The following DLG2 variants were observed in gnomAD, a reference collection of about 807,000 sequenced individuals.
The protein encoded by DLG2 is disks large homolog 2.
In DLG2, 45 loss-of-function variants were observed where a neutral mutation model predicts 132.5. The ratio of observed to expected loss-of-function variants is 0.34; its 90% CI spans 0.27 to 0.44. DLG2 has a LOEUF of 0.44. DLG2 is among the 20% of genes least tolerant of loss of function. The probability of loss-of-function intolerance (pLI) is 1.00; values close to 1 mark genes in which losing one functional copy is unlikely to be tolerated. For missense variants in DLG2, 1,045 were observed against 1,196.9 expected (o/e 0.87, Z 1.87); for synonymous variants, 424 against 419.6 (o/e 1.01, Z -0.13).
chr11:85,583,450 G>C (rs2078756592), intron 3 of DLG2, among the ~76,000 whole-genome samples: 1 of 151,526 alleles, frequency 6.6e-6, no homozygotes, highest in Non-Finnish European at 1.5e-5. Context: ...GCCTCTCAAA[G>C]TGCTGAGATT....
chr11:83,650,997 C>T (rs1041733280), intron 18 of DLG2, among the ~76,000 whole-genome samples: 1 of 151,992 alleles, frequency 6.6e-6, no homozygotes, highest in East Asian at 1.9e-4. Flanking sequence ...TTAATCATGC[C>T]CCTCTTCATC....
At chr11:84,750,935 T>C (rs1341426159) in intron 6 of DLG2, among the ~76,000 whole-genome samples, 3 of 152,176 alleles carry the variant, frequency 2.0e-5, no homozygotes, top group African/African-American at 2.4e-5. Context: ...TTGAGAAATG[T>C]AATGCTTATA....
chr11:84,027,632 G>A (rs868584036), intron 11 of DLG2, among the ~76,000 whole-genome samples: 3 of 151,804 alleles, frequency 2.0e-5, no homozygotes, highest in Non-Finnish European at 2.9e-5. Context: ...AACATGCATC[G>A]GGAGAAACAC....
At chr11:83,784,681 G>A (rs2094967695) in intron 18 of DLG2, among the ~76,000 whole-genome samples, 1 of 152,112 alleles carries the variant, frequency 6.6e-6, no homozygotes, top group African/African-American at 2.4e-5. Flanking sequence ...GGAAGCTCCA[G>A]TAGAAAGATG....
At chr11:83,706,730 C>T (rs192618235) in intron 18 of DLG2, among the ~76,000 whole-genome samples, 1 of 152,204 alleles carries the variant, frequency 6.6e-6, no homozygotes, top group East Asian at 1.9e-4. Flanking sequence ...TGCCAACTCC[C>T]TTGCACGTCC....
At chr11:85,194,400 T>C (rs188781610) in intron 4 of DLG2, among the ~76,000 whole-genome samples, 139 of 152,270 alleles carry the variant, frequency 9.1e-4, no homozygotes, top group African/African-American at 3.2e-3. Flanking sequence ...AATATAGTTA[T>C]ATATTCATTG....
At chr11:83,713,144 C>T (rs765198388) in intron 18 of DLG2, among the ~76,000 whole-genome samples, 11 of 151,904 alleles carry the variant, frequency 7.2e-5, no homozygotes, top group Non-Finnish European at 1.0e-4. Context: ...TTTTTAAAAC[C>T]CTTAAAATCT....
intron 7 of DLG2, among the ~76,000 whole-genome samples, chr11:84,261,400 T>G (rs138322119): frequency 6.6e-5 from 10 of 152,308 alleles, no homozygotes; most frequent in Admixed American, 6.5e-4. Context: ...CTTTCCATCC[T>G]GCAAGGACAA....
At chr11:85,434,596 C>T (rs2091376764) in intron 3 of DLG2, among the ~76,000 whole-genome samples, 1 of 152,124 alleles carries the variant, frequency 6.6e-6, no homozygotes, top group Non-Finnish European at 1.5e-5. Context: ...AATTCCTGGA[C>T]ACATATACCC....
chr11:85,494,322 G>C (rs114798148), intron 3 of DLG2, among the ~76,000 whole-genome samples: 1 of 152,046 alleles, frequency 6.6e-6, no homozygotes, highest in South Asian at 2.1e-4. Context: ...AATAATTAAA[G>C]CCTTAGAAAA....
chr11:84,652,486 G>T (rs765643876), intron 6 of DLG2, among the ~76,000 whole-genome samples: 35 of 150,826 alleles, frequency 2.3e-4, no homozygotes, highest in Non-Finnish European at 3.2e-4. Context: ...CATGTTTAAA[G>T]AAGAAGGCAA....
chr11:84,843,307 G>A (rs1410814329), intron 6 of DLG2, among the ~76,000 whole-genome samples: 1 of 150,794 alleles, frequency 6.6e-6, no homozygotes, highest in Non-Finnish European at 1.5e-5. Flanking sequence ...AAAAAACAGA[G>A]CAAGGGATTC....
chr11:84,334,542 C>T (rs1053470024), intron 7 of DLG2, among the ~76,000 whole-genome samples: 6 of 152,114 alleles, frequency 3.9e-5, no homozygotes, highest in East Asian at 1.9e-4. Context: ...TAGCAAACTA[C>T]GCAAAGTTGA....
intron 19 of DLG2, among the ~76,000 whole-genome samples, chr11:83,587,946 T>C (rs676038): frequency 0.47 from 71,171 of 151,964 alleles, 17,197 homozygotes; most frequent in Admixed American, 0.57. Context: ...GCTTAAAAAA[T>C]GGCGCACCAC....
chr11:83,810,682 T>C (rs1337330779), intron 17 of DLG2, among the ~76,000 whole-genome samples: 2 of 152,154 alleles, frequency 1.3e-5, no homozygotes, highest in Non-Finnish European at 1.5e-5. Flanking sequence ...GTAAGATGTT[T>C]GATTCTGCAA....
Position 83,973,082 on chromosome 11 carries a change from C to G in DLG2, c.1056+7424G>C, listed in dbSNP as rs79492921. Among the ~76,000 whole-genome samples, 1,263 of 152,104 alleles carry G rather than the reference C, an allele frequency of 8.3e-3. 8 individuals are homozygous for G. Among genetic ancestry groups the G allele is most frequent in the Middle Eastern group, 0.027 (8 of 294 alleles). The stretch of plus-strand genomic sequence containing the variant: ...GAACCCTAGGGCAATCCACTGGGTA[C>G]AAGAGAAAAACATTTGCATTTCTAT... On this transcript the variant is annotated intron_variant, in intron 12 of 27. Transcript: ENST00000376104.
At chr11:84,016,931 T>C (rs2095221034) in intron 11 of DLG2, among the ~76,000 whole-genome samples, 1 of 152,140 alleles carries the variant, frequency 6.6e-6, no homozygotes. Context: ...TACACCATAC[T>C]TTGAGAACAT....
intron 3 of DLG2, among the ~76,000 whole-genome samples, chr11:85,480,893 C>A (rs564857564): frequency 1.3e-5 from 2 of 152,272 alleles, no homozygotes; most frequent in South Asian, 4.1e-4. Context: ...ACCACATGCA[C>A]ATTTAAGTAA....
At chr11:85,061,241 G>C (rs969812190) in intron 6 of DLG2, among the ~76,000 whole-genome samples, 14 of 151,618 alleles carry the variant, frequency 9.2e-5, no homozygotes, top group Non-Finnish European at 1.9e-4. Flanking sequence ...AGTCCCACTT[G>C]TCAATTTTTG....
Sources: gnomAD v4.1 joint callset for allele counts (sites outside exome capture counted in the v4.1 genomes callset) on GRCh38, gnomAD v4.1.1 for gene constraint, MANE v1.5 for transcripts, NCBI Gene and HGNC (gene_info 2026-07-23, HGNC 2026-07-21) for gene names.